The following DUSP26 variants were observed in gnomAD, a reference collection of about 807,000 sequenced individuals.
DUSP26 encodes the protein dual specificity protein phosphatase 26.
In DUSP26, 12 loss-of-function variants were observed where a neutral mutation model predicts 20.0. That is an observed-to-expected ratio of 0.60 (90% CI 0.38 to 0.97). DUSP26 has a LOEUF of 0.97. Ranked by LOEUF, DUSP26 falls within the 50% of genes least tolerant of loss-of-function variation. The probability of loss-of-function intolerance (pLI) is 0.00; values close to 1 mark genes in which losing one functional copy is unlikely to be tolerated. For synonymous variants in DUSP26, 120 were observed against 118.8 expected (o/e 1.01, Z -0.06); for missense variants, 230 against 294.0 (o/e 0.78, Z 1.59).
At chr8:33,598,479 TGAG>T (rs898323131) in intron 1 of DUSP26, among the ~76,000 whole-genome samples, 2 of 28,124 alleles carry the variant, frequency 7.1e-5, no homozygotes, top group African/African-American at 2.9e-4. Context: ...GTGTGTGTCT[TGAG>T]GGGAGGGGGG....
intron 1 of DUSP26, among the ~76,000 whole-genome samples, chr8:33,597,978 G>A (rs1427311147): frequency 2.6e-5 from 4 of 151,694 alleles, no homozygotes; most frequent in Non-Finnish European, 5.9e-5. Flanking sequence ...ATCTGCCTGG[G>A]GCTATCGGCA....
At chr8:33,595,720 C>T (rs1043630600) in intron 2 of DUSP26, among the ~76,000 whole-genome samples, 3 of 152,054 alleles carry the variant, frequency 2.0e-5, no homozygotes, top group Middle Eastern at 3.2e-3. Context: ...GGTGTTCATC[C>T]GGCCCAGACC....
intron 2 of DUSP26, among the ~76,000 whole-genome samples, chr8:33,594,896 G>C (rs1353598731): frequency 6.6e-6 from 1 of 151,828 alleles, no homozygotes; most frequent in East Asian, 2.0e-4. Context: ...GCTAATTTTT[G>C]TATTTTTAGT....
intron 3 of DUSP26, among the ~76,000 whole-genome samples, chr8:33,592,874 A>AATATAT (rs199768340): frequency 6.6e-6 from 1 of 152,006 alleles, no homozygotes; most frequent in African/African-American, 2.4e-5. Context: ...TCAACCATTG[A>AATATAT]ATATATATAT....
chr8:33,594,099 C>T lies in DUSP26; in HGVS notation c.222-352G>A, dbSNP rs1031930051. Among the ~76,000 whole-genome samples the T allele has an allele frequency of 1.6e-4, 24 of 151,778 alleles. No homozygotes were observed. The South Asian group carries it at 1.9e-3, about 12-fold the overall frequency. ...CCTTCCAAAGTGCTGGGATGACAGA[C>T]GTGAGCTACCATGCCTGGCCTCCTG... On this transcript the variant is annotated intron_variant, in intron 2 of 3. Transcript: ENST00000256261.
At chr8:33,599,474 G>T (rs930989843) in intron 1 of DUSP26, among the ~76,000 whole-genome samples, 191 bp downstream of exon 1, 3 of 152,142 alleles carry the variant, frequency 2.0e-5, no homozygotes, top group African/African-American at 7.2e-5. Context: ...CATGGCTGTC[G>T]CCCCAGTCCT....
intron 1 of DUSP26, chr8:33,597,933 C>A (rs1050447231): frequency 3.3e-5 from 5 of 152,888 alleles, no homozygotes; most frequent in Non-Finnish European, 6.6e-5. Flanking sequence ...GTTGTCCCCA[C>A]TGCTGGGGAT....
intron 2 of DUSP26, 54 bp from the exon 3 acceptor site, chr8:33,593,801 A>G (rs999127122): frequency 8.2e-6 from 13 of 1,584,308 alleles, no homozygotes; most frequent in Non-Finnish European, 1.1e-5. Flanking sequence ...GTTGGGGAAG[A>G]CTCCCTTGTC....
intron 2 of DUSP26, 50 bp from the exon 3 acceptor site, chr8:33,593,797 G>C: frequency 6.3e-7 from 1 of 1,595,660 alleles, no homozygotes; most frequent in Non-Finnish European, 8.6e-7. Context: ...GGTTGTTGGG[G>C]AAGACTCCCT....
Position 33,593,664 on chromosome 8 carries a change from G to GGA in DUSP26, c.304_305insTC (p.Thr102IlefsTer26). On this transcript the variant is annotated frameshift_variant, in exon 3 of 4. Coordinates refer to ENST00000256261, the MANE Select transcript of DUSP26 (RefSeq NM_024025.3). LOFTEE classifies it high-confidence loss of function. ...GCCCAGCCCCTCATAGGCCTCGGGC[G>GGA]TGCCTCGCCACCGGCTGTGTGAGGC... 6.2e-7 allele frequency: 1 copy of GGA among 1,614,156 alleles called. No homozygotes were observed. The highest frequency in any genetic ancestry group is 8.5e-7 in the Non-Finnish European group (1 of 1,180,036).
intron 2 of DUSP26, among the ~76,000 whole-genome samples, chr8:33,595,879 T>A (rs965510157): frequency 3.3e-5 from 5 of 152,188 alleles, no homozygotes; most frequent in African/African-American, 1.2e-4. Flanking sequence ...CCGTGTGACC[T>A]TGGCCAGGCA....
chr8:33,598,029 G>T (rs908092227), intron 1 of DUSP26, among the ~76,000 whole-genome samples: 1 of 152,060 alleles, frequency 6.6e-6, no homozygotes, highest in Admixed American at 6.6e-5. Context: ...GGTACCTTTA[G>T]ACCCATCCAA....
intron 2 of DUSP26, among the ~76,000 whole-genome samples, chr8:33,596,720 T>G (rs1811155658): frequency 6.6e-6 from 1 of 152,176 alleles, no homozygotes; most frequent in Admixed American, 6.6e-5. Context: ...TTGCAGAATC[T>G]CTGTAGGCAC....
chr8:33,597,279 TC>T lies in DUSP26; in HGVS notation c.221+15del, dbSNP rs768974445. 1 of 1,600,192 alleles carries T rather than the reference TC, an allele frequency of 6.2e-7. No homozygotes were observed. Among genetic ancestry groups the T allele is most frequent in the African/African-American group, 1.3e-5 (1 of 74,772 alleles). ...CACACACGCTCTACCGTGGGCCCAG[TC>T]TGCCCGATACATACTGGTCTCCGAG... is the stretch of plus-strand genomic sequence containing the variant. On this transcript the variant is annotated intron_variant, in intron 2 of 3. Coordinates refer to ENST00000256261, the MANE Select transcript of DUSP26 (RefSeq NM_024025.3).
intron 2 of DUSP26, 71 bp from the exon 3 acceptor site, chr8:33,593,818 C>T (rs1293894245): frequency 2.0e-6 from 3 of 1,531,256 alleles, no homozygotes; most frequent in African/African-American, 1.4e-5. Flanking sequence ...TGTCTACACC[C>T]TGTTAACTTC....
At chr8:33,596,716 A>G (rs1811155525) in intron 2 of DUSP26, among the ~76,000 whole-genome samples, 1 of 152,294 alleles carries the variant, frequency 6.6e-6, no homozygotes, top group African/African-American at 2.4e-5. Context: ...CAAATTGCAG[A>G]ATCTCTGTAG....
At position 33,597,411 on chromosome 8, in the gene DUSP26, C is replaced by G; in HGVS notation, c.105G>C (p.Met35Ile). Residue 35 changes from methionine to isoleucine, a missense_variant, in exon 2 of 4, where the codon ATG (methionine) becomes ATC (isoleucine). Physicochemically the swap from Met to Ile is conservative, Grantham distance 10 (BLOSUM62 1). Coordinates refer to ENST00000256261, the MANE Select transcript of DUSP26 (RefSeq NM_024025.3). ...PVRTRGTLEE[M>I]PTVQHPFLNV... ...TGAGGAAAGGATGTTGAACGGTTGG[C>G]ATCTCCTCCAGGGTCCCTCGAGTTC... The G allele has an allele frequency of 6.2e-7, 1 of 1,614,160 alleles. No individual in the cohort carries two copies. Among genetic ancestry groups the G allele is most frequent in the Non-Finnish European group, 8.5e-7 (1 of 1,180,048 alleles).
At chr8:33,592,538 CAA>C (rs745687703) in intron 3 of DUSP26, among the ~76,000 whole-genome samples, 641 of 23,706 alleles carry the variant, frequency 0.027, 5 homozygotes, top group African/African-American at 0.099. Flanking sequence ...AACCCCATCT[CAA>C]AAAAAAAAAA....
intron 1 of DUSP26, 39 bp from the exon 2 acceptor site, chr8:33,597,630 C>CT: frequency 1.2e-6 from 1 of 835,426 alleles, no homozygotes; most frequent in Non-Finnish European, 1.8e-6. Flanking sequence ...TTGAGTGAGT[C>CT]CAGAGCAGCT....
Sources: allele counts gnomAD v4.1 joint callset (sites outside exome capture counted in the v4.1 genomes callset), GRCh38; gene constraint gnomAD v4.1.1; transcripts MANE v1.5; gene names NCBI Gene and HGNC (gene_info 2026-07-23, HGNC 2026-07-21).